Variants in ZBED6 observed in about 807,000 individuals in gnomAD.
The protein encoded by ZBED6 is zinc finger BED-type containing 6.
A neutral mutation model predicts 58.4 loss-of-function variants in ZBED6; 40 were observed. That is an observed-to-expected ratio of 0.68 (90% CI 0.53 to 0.89). The LOEUF (loss-of-function observed/expected upper bound fraction) is 0.89. Ranked by LOEUF, ZBED6 falls within the 40% of genes least tolerant of loss-of-function variation. ZBED6 has a pLI of 0.00. For synonymous variants in ZBED6, 439 were observed against 350.6 expected (o/e 1.25, Z -2.82); for missense variants, 1,057 against 1,003.9 (o/e 1.05, Z -0.71).
rs1367311821 is a variant in ZBED6 at position 203,850,386 on chromosome 1, A to G, written c.*4639-129A>G. ...CACAAATTGCCTTTGAATCGTTTTCAGTCTCTTTTTAAATGAATTATTTGT... is the reference window on the plus strand; with the variant it reads ...CACAAATTGCCTTTGAATCGTTTTCGGTCTCTTTTTAAATGAATTATTTGT... On this transcript the variant is annotated intron_variant, in intron 14 of 16. Coordinates refer to ENST00000550078, the Ensembl canonical transcript of ZBED6. The G allele has an allele frequency of 2.9e-6, 4 of 1,399,952 alleles. No homozygotes were observed. In the African/African-American group the frequency reaches 4.3e-5, roughly 15 times the overall value. The allele number at this position is 1,399,952 out of a possible 1,614,324, so 86.7% of individuals were successfully genotyped here. A position where few individuals can be genotyped will look rare whatever the true frequency, so the allele number is the denominator to read the frequency against.
intron 3 of ZBED6, among the ~76,000 whole-genome samples, chr1:203,821,421 T>A (rs1254134277): frequency 6.6e-6 from 1 of 152,224 alleles, no homozygotes; most frequent in Non-Finnish European, 1.5e-5. Flanking sequence ...ACTCTGTTAC[T>A]ATCATTACTT....
chr1:203,805,530 A>G, intron 1 of ZBED6: 2 of 531,716 alleles, frequency 3.8e-6, no homozygotes, highest in South Asian at 3.0e-5. Context: ...CAAAGAAAGG[A>G]CAGAAACGTA....
At chr1:203,800,484 TG>T in exon 1 of ZBED6, 1 of 1,462,348 alleles carries the variant, frequency 6.8e-7, no homozygotes, top group Non-Finnish European at 9.0e-7. Flanking sequence ...CCATTTAAAA[TG>T]GGCAACTTTT....
exon 1 of ZBED6, chr1:203,798,640 T>C (rs1228609380): frequency 6.5e-7 from 1 of 1,536,134 alleles, no homozygotes; most frequent in South Asian, 1.2e-5. Flanking sequence ...GAACCTATGT[T>C]AGAGGTTGAA....
chr1:203,825,136 C>T (rs1469475909), intron 3 of ZBED6, among the ~76,000 whole-genome samples: 3 of 149,048 alleles, frequency 2.0e-5, no homozygotes, highest in Non-Finnish European at 4.5e-5. Context: ...GTGTGAGTTA[C>T]AGTGCTATTT....
At chr1:203,798,114 G>A in exon 1 of ZBED6, 3 of 1,536,132 alleles carry the variant, frequency 2.0e-6, no homozygotes, top group Non-Finnish European at 2.6e-6. Flanking sequence ...TGGAGAGGAG[G>A]ACTTTACCTT....
At chr1:203,798,396 G>A in exon 1 of ZBED6, 1 of 1,534,694 alleles carries the variant, frequency 6.5e-7, no homozygotes, top group Non-Finnish European at 8.7e-7. Flanking sequence ...TAAAAGAAGT[G>A]TGAGCCGGGG....
chr1:203,822,969 A>G (rs1053585017), intron 3 of ZBED6, among the ~76,000 whole-genome samples: 1 of 152,182 alleles, frequency 6.6e-6, no homozygotes, highest in African/African-American at 2.4e-5. Context: ...CTGGTTTTGT[A>G]TTTCTTGTCT....
chr1:203,798,505 T>C (rs1035979106), exon 1 of ZBED6: 1 of 1,536,000 alleles, frequency 6.5e-7, no homozygotes, highest in Non-Finnish European at 8.7e-7. Context: ...AGTGGTGCTG[T>C]TGCAAATGGA....
At chr1:203,837,508 T>TAGTATTATGATCATAGCTC in intron 9 of ZBED6, among the ~76,000 whole-genome samples, 1 of 151,764 alleles carries the variant, frequency 6.6e-6, no homozygotes, top group Middle Eastern at 3.4e-3. Context: ...GGCAGGAGTG[T>TAGTATTATGATCATAGCTC]AGTATTATGA....
intron 11 of ZBED6, among the ~76,000 whole-genome samples, chr1:203,841,630 G>A (rs1363762668): frequency 1.3e-5 from 2 of 152,170 alleles, no homozygotes; most frequent in Non-Finnish European, 1.5e-5. Flanking sequence ...CGACAAAACC[G>A]CCTTTGTCAT....
intron 1 of ZBED6, among the ~76,000 whole-genome samples, chr1:203,816,030 G>A (rs960957950): frequency 1.3e-5 from 2 of 152,106 alleles, no homozygotes; most frequent in Non-Finnish European, 2.9e-5. Context: ...ACCTCTAGTC[G>A]TCTTCATTAA....
chr1:203,830,841 A>G (rs1204139026), intron 7 of ZBED6, among the ~76,000 whole-genome samples: 1 of 150,688 alleles, frequency 6.6e-6, no homozygotes, highest in African/African-American at 2.4e-5. Context: ...GTCATTTTCT[A>G]GTAGAAGAGT....
intron 8 of ZBED6, among the ~76,000 whole-genome samples, chr1:203,832,304 G>A (rs1244266778): frequency 2.0e-5 from 3 of 151,762 alleles, no homozygotes; most frequent in East Asian, 1.9e-4. Flanking sequence ...CAGGTGATCC[G>A]CCCGCCTTGG....
intron 13 of ZBED6, among the ~76,000 whole-genome samples, chr1:203,849,336 C>G (rs1688720575): frequency 6.6e-6 from 1 of 152,228 alleles, no homozygotes; most frequent in Non-Finnish European, 1.5e-5. Context: ...TTTGTTTTTA[C>G]TGACCACATG....
exon 1 of ZBED6, chr1:203,799,927 A>G: frequency 1.3e-6 from 2 of 1,536,146 alleles, no homozygotes; most frequent in Non-Finnish European, 1.7e-6. Context: ...GTCTGTAATT[A>G]TATGGAATCT....
At chr1:203,796,172 G>C (rs1274443299) in exon 1 of ZBED6, 2 of 357,786 alleles carry the variant, frequency 5.6e-6, no homozygotes, top group Non-Finnish European at 1.0e-5. Flanking sequence ...CCCGAAGAGA[G>C]AACTGACACT....
exon 1 of ZBED6, chr1:203,798,914 C>T (rs1025528230): frequency 6.5e-7 from 1 of 1,536,008 alleles, no homozygotes; most frequent in Non-Finnish European, 8.7e-7. Flanking sequence ...ATGATTGTGT[C>T]AGAGAAAAAA....
At chr1:203,851,261 T>C in intron 16 of ZBED6, 137 bp downstream of exon 16, 1 of 787,084 alleles carries the variant, frequency 1.3e-6, no homozygotes, top group East Asian at 2.7e-5. Flanking sequence ...CAAGAAAGTA[T>C]GAAAATCTAG....
Sources: gnomAD v4.1 joint callset for allele counts (sites outside exome capture counted in the v4.1 genomes callset) on GRCh38, gnomAD v4.1.1 for gene constraint, MANE v1.5 for transcripts, NCBI Gene and HGNC (gene_info 2026-07-23, HGNC 2026-07-21) for gene names.